LDLRAD4: variants seen among roughly 807,000 people sequenced by gnomAD.
LDLRAD4 encodes low-density lipoprotein receptor class A domain-containing protein 4.
Under a neutral mutation model 17.0 loss-of-function variants are expected in LDLRAD4, and 5 were observed. That is an observed-to-expected ratio of 0.29 (90% CI 0.15 to 0.62). The LOEUF (loss-of-function observed/expected upper bound fraction) is 0.62, where lower values mean the gene tolerates loss of function less well. Among genes scored for constraint, LDLRAD4 ranks in the 20% least tolerant of loss-of-function variants. The pLI is 0.84. For synonymous variants in LDLRAD4, 168 were observed against 171.8 expected (o/e 0.98, Z 0.17); for missense variants, 340 against 424.7 (o/e 0.80, Z 1.75).
chr18:13,432,353 A>G (rs556294834), intron 2 of LDLRAD4, among the ~76,000 whole-genome samples: 1 of 152,148 alleles, frequency 6.6e-6, no homozygotes, highest in Non-Finnish European at 1.5e-5. Context: ...GAATATTTCA[A>G]CCTCCCTGAA....
chr18:13,344,643 A>G (rs907541029), intron 1 of LDLRAD4, among the ~76,000 whole-genome samples: 1 of 152,128 alleles, frequency 6.6e-6, no homozygotes, highest in Non-Finnish European at 1.5e-5. Flanking sequence ...CTTGATGGGG[A>G]TGGCATTGAA....
intron 1 of LDLRAD4, among the ~76,000 whole-genome samples, chr18:13,262,531 A>G (rs1167405650): frequency 1.4e-3 from 130 of 90,482 alleles, no homozygotes; most frequent in African/African-American, 2.5e-3. Context: ...TGTGCGTGGA[A>G]ACTGAGTCCC....
At chr18:13,349,669 G>C (rs1445743834) in intron 1 of LDLRAD4, among the ~76,000 whole-genome samples, 1 of 152,086 alleles carries the variant, frequency 6.6e-6, no homozygotes, top group Non-Finnish European at 1.5e-5. Flanking sequence ...AGAATGTGTA[G>C]GTTTGTTACA....
At chr18:13,255,481 AG>A (rs931140943) in intron 1 of LDLRAD4, among the ~76,000 whole-genome samples, 1 of 152,200 alleles carries the variant, frequency 6.6e-6, no homozygotes, top group African/African-American at 2.4e-5. Flanking sequence ...GGAGAGGAGC[AG>A]GGGGTGCAGA....
intron 3 of LDLRAD4, among the ~76,000 whole-genome samples, chr18:13,539,389 A>G (rs546379745): frequency 1.6e-4 from 25 of 152,344 alleles, no homozygotes; most frequent in Admixed American, 1.4e-3. Flanking sequence ...TTGCATAGAA[A>G]AAGAGCTGTT....
At chr18:13,449,695 G>A (rs2091666633) in intron 3 of LDLRAD4, among the ~76,000 whole-genome samples, 1 of 152,250 alleles carries the variant, frequency 6.6e-6, no homozygotes, top group Admixed American at 6.5e-5. Context: ...TTAGTGGAGG[G>A]TGTTGGGCAT....
intron 2 of LDLRAD4, among the ~76,000 whole-genome samples, chr18:13,404,068 C>T (rs1428378670): frequency 3.3e-5 from 5 of 152,210 alleles, no homozygotes; most frequent in South Asian, 4.1e-4. Context: ...TAGTGTGGCC[C>T]GGGAAATGAC....
chr18:13,335,969 G>A (rs965464203), intron 1 of LDLRAD4, among the ~76,000 whole-genome samples: 4 of 152,174 alleles, frequency 2.6e-5, no homozygotes, highest in African/African-American at 7.2e-5. Flanking sequence ...CAGTTCTACA[G>A]GCTGTACAAG....
At chr18:13,539,333 G>A (rs1022275798) in intron 3 of LDLRAD4, among the ~76,000 whole-genome samples, 2 of 152,164 alleles carry the variant, frequency 1.3e-5, no homozygotes, top group African/African-American at 2.4e-5. Flanking sequence ...GGTTATTCAG[G>A]TAATTGCTCA....
At chr18:13,420,243 C>T (rs902484569) in intron 2 of LDLRAD4, 1 of 151,948 alleles carries the variant, frequency 6.6e-6, no homozygotes, top group Non-Finnish European at 1.5e-5. Flanking sequence ...TTATTATAAA[C>T]AAATAATCAA....
intron 3 of LDLRAD4, among the ~76,000 whole-genome samples, chr18:13,505,452 T>C (rs1452687502): frequency 6.6e-6 from 1 of 152,224 alleles, no homozygotes; most frequent in Admixed American, 6.5e-5. Flanking sequence ...TTTTCTACCA[T>C]CAATTGTAAA....
chr18:13,586,515 G>T (rs887823937), intron 3 of LDLRAD4, among the ~76,000 whole-genome samples: 1 of 151,458 alleles, frequency 6.6e-6, no homozygotes, highest in African/African-American at 2.4e-5. Flanking sequence ...TATGACAGTC[G>T]CTGTGCCATT....
chr18:13,379,165 A>G (rs2085149061), intron 1 of LDLRAD4, among the ~76,000 whole-genome samples: 1 of 152,258 alleles, frequency 6.6e-6, no homozygotes. Context: ...GAATGAGGTG[A>G]ACCCAATGTG....
intron 2 of LDLRAD4, among the ~76,000 whole-genome samples, chr18:13,389,940 C>T (rs2086139185): frequency 6.6e-6 from 1 of 152,168 alleles, no homozygotes; most frequent in Admixed American, 6.5e-5. Context: ...CCTTCCTCCC[C>T]ACTTGCTCAC....
At chr18:13,651,221 CAGA>C (rs1426378560) in exon 6 of LDLRAD4, 1 of 152,224 alleles carries the variant, frequency 6.6e-6, no homozygotes, top group African/African-American at 2.4e-5. Flanking sequence ...CAGCCTGCAG[CAGA>C]AGACTTTGTT....
intron 1 of LDLRAD4, among the ~76,000 whole-genome samples, chr18:13,231,216 C>T (rs937846261): frequency 2.6e-5 from 4 of 152,100 alleles, no homozygotes; most frequent in African/African-American, 7.2e-5. Flanking sequence ...TGGGAGGAAG[C>T]GGGAGGGAGA....
chr18:13,550,563 C>T (rs1474213510), intron 3 of LDLRAD4, among the ~76,000 whole-genome samples: 1 of 152,204 alleles, frequency 6.6e-6, no homozygotes, highest in African/African-American at 2.4e-5. Flanking sequence ...TGAGGACGGC[C>T]AGGAGGAAGG....
In LDLRAD4 at chr18:13,348,857, A is replaced by G. The variant is rs139571590; in HGVS notation, c.-382-38484A>G. Reference sequence around the variant, plus strand: ...GCAATAAACGAGGCTCCATGGGTGTAGGACCCTCCGAGCCAGGCACGGGAT... The same window carrying G: ...GCAATAAACGAGGCTCCATGGGTGTGGGACCCTCCGAGCCAGGCACGGGAT... On this transcript the variant is annotated intron_variant, in intron 1 of 5. Coordinates refer to ENST00000359446, the Ensembl canonical transcript of LDLRAD4. 6.4e-3 allele frequency among the ~76,000 whole-genome samples: 970 copies of G among 152,138 alleles called. 7 individuals carry two copies. The highest frequency in any genetic ancestry group is 0.017 in the Middle Eastern group (5 of 292).
chr18:13,342,491 T>C (rs1170900510), intron 1 of LDLRAD4, among the ~76,000 whole-genome samples: 1 of 147,166 alleles, frequency 6.8e-6, no homozygotes, highest in African/African-American at 2.5e-5. Context: ...TTTTTTTTTT[T>C]TTTTTTTTTT....
Sources: gnomAD v4.1 joint callset for allele counts (sites outside exome capture counted in the v4.1 genomes callset) on GRCh38, gnomAD v4.1.1 for gene constraint, MANE v1.5 for transcripts, NCBI Gene and HGNC (gene_info 2026-07-23, HGNC 2026-07-21) for gene names.